The following ZFHX4 variants were observed in gnomAD, a reference collection of about 807,000 sequenced individuals.
ZFHX4 encodes the protein zinc finger homeobox 4.
ZFHX4 carries 56 observed loss-of-function variants against 267.6 expected under a neutral mutation model. The ratio of observed to expected loss-of-function variants is 0.21; its 90% confidence interval spans 0.17 to 0.26. ZFHX4 has a LOEUF of 0.26. Among genes scored for constraint, ZFHX4 ranks in the 10% least tolerant of loss-of-function variants. ZFHX4 has a pLI of 1.00. For synonymous variants in ZFHX4, 1,778 were observed against 1,665.6 expected, an observed-to-expected ratio of 1.07 and a Z score of -1.64; for missense variants, 4,332 against 4,420.0, an observed-to-expected ratio of 0.98 and a Z score of 0.56.
At position 76,813,936 on chromosome 8, in the gene ZFHX4, C is replaced by G. The variant is rs188289715; in HGVS notation, c.3326-19402C>G. ...TTTATATTACAGAAAAAAATGCAAT[C>G]TTTTTTTTTCTTTAAAAGAGGAGTA... On this transcript the variant is annotated intron_variant, in intron 4 of 10. Transcript: ENST00000651372. Among the ~76,000 whole-genome samples, 32 of 151,414 alleles carry G rather than the reference C, an allele frequency of 2.1e-4. No individual in the cohort carries two copies. The East Asian group carries it at 5.4e-3, about 26-fold the overall frequency.
rs1419673844 is a variant in ZFHX4, at chr8:76,757,082, T to C, written c.3094-21126T>C. 2.0e-5 allele frequency among the ~76,000 whole-genome samples: 3 copies of C among 149,876 alleles called. No homozygotes were observed. The Admixed American group carries it at 2.0e-4, about 10-fold the overall frequency. On this transcript the variant is annotated intron_variant, in intron 3 of 10. Transcript: ENST00000651372. ...AATTTGAATAGTTGTCAAGCAGGGG[T>C]TTCCAGGCAGTAATTTCTCTCTCCT...
At chr8:76,765,949 ATCT>A (rs1810040461) in intron 3 of ZFHX4, among the ~76,000 whole-genome samples, 1 of 152,130 alleles carries the variant, frequency 6.6e-6, no homozygotes, top group South Asian at 2.1e-4. Flanking sequence ...CCATGCTTTC[ATCT>A]TCATCACAGG....
At chr8:76,859,528 A>T (rs1010286298) in intron 10 of ZFHX4, among the ~76,000 whole-genome samples, 1 of 152,098 alleles carries the variant, frequency 6.6e-6, no homozygotes, top group Admixed American at 6.6e-5. Context: ...CAAAGTGAAT[A>T]AAAAAATTAT....
rs765271242 is a variant in ZFHX4, at chr8:76,706,606, G to A, written c.2518G>A (p.Ala840Thr). The A allele has an allele frequency of 4.4e-6, 7 of 1,608,744 alleles. No homozygotes were observed. The Admixed American group carries it at 1.0e-4, about 23-fold the overall frequency. Residue 840 changes from alanine to threonine, a missense_variant, in exon 2 of 11, where the codon GCC becomes ACC. Ala to Thr is a moderately conservative substitution (Grantham distance 58). Around this residue, in one of 7 missense-constraint regions of ZFHX4, gnomAD observed 1,195 missense variants for 1,173.6 expected, o/e 1.02. Coordinates refer to ENST00000651372, the MANE Select transcript of ZFHX4 (RefSeq NM_024721.5). Reference protein sequence around the residue: ...GLTGMKLENPADPQLMINPFQ... With the variant: ...GLTGMKLENPTDPQLMINPFQ... ...GACCGGAATGAAGCTGGAAAACCCT[G>A]CCGACCCTCAGCTGATGATCAATCC...
At position 76,849,055 on chromosome 8, in the gene ZFHX4, T is replaced by C; in HGVS notation, c.3572T>C (p.Leu1191Pro). 6.4e-7 allele frequency: 1 copy of C among 1,568,124 alleles called. No individual in the cohort carries two copies. The highest frequency in any genetic ancestry group is 8.7e-7 in the Non-Finnish European group (1 of 1,155,984). The change falls in exon 7 of 11, where the codon CTG (leucine) becomes CCG (proline). Residue 1191 changes from leucine (L) to proline (P), a missense_variant. Leu to Pro is a moderately conservative substitution (Grantham distance 98). This residue lies in a region of ZFHX4 where 1,371 missense variants were observed against 1,423.1 expected (regional missense o/e 0.96). Coordinates refer to ENST00000651372, the MANE Select transcript of ZFHX4 (RefSeq NM_024721.5). ...VSVAGGTQPLLLAKEEDVATK... is the reference protein window; with the variant it reads ...VSVAGGTQPLPLAKEEDVATK... The stretch of plus-strand genomic sequence containing the variant: ...GTGGCAGGGGGTACCCAGCCACTCC[T>C]GCTGGCAAAAGAAGAGGATGTTGCA...
intron 4 of ZFHX4, among the ~76,000 whole-genome samples, chr8:76,826,754 A>T (rs1311265566): frequency 6.6e-6 from 1 of 152,252 alleles, no homozygotes; most frequent in African/African-American, 2.4e-5. Context: ...GTTAAGTAAT[A>T]GGAGTAAGTT....
chr8:76,782,906 A>G (rs1488344965), intron 4 of ZFHX4, among the ~76,000 whole-genome samples: 2 of 152,022 alleles, frequency 1.3e-5, no homozygotes, highest in Non-Finnish European at 2.9e-5. Flanking sequence ...CTCTCGTGCT[A>G]TAAACATTTC....
chr8:76,774,764 T>C (rs2131761402), intron 3 of ZFHX4, among the ~76,000 whole-genome samples: 1 of 152,284 alleles, frequency 6.6e-6, no homozygotes, highest in Admixed American at 6.5e-5. Context: ...ATTTTAGAAA[T>C]TTGAAAAATT....
In ZFHX4 at chr8:76,865,189, A is replaced by G. The variant is rs1421894791; in HGVS notation, c.*624A>G. ...CAGTTTTACCGCAGAGGGAATCTGG[A>G]ACAGTGGAATCATGTGTCTGCCCTG... On this transcript the variant is annotated 3_prime_UTR_variant, in exon 11 of 11. Transcript: ENST00000651372. 1 of 152,668 alleles carries G rather than the reference A, an allele frequency of 6.6e-6. No individual in the cohort carries two copies. Among genetic ancestry groups the G allele is most frequent in the Non-Finnish European group, 1.5e-5 (1 of 68,084 alleles). 9.5% of individuals were successfully genotyped at this position (152,668 alleles called of 1,614,324 possible). A position where few individuals can be genotyped will look rare whatever the true frequency, so the allele number is the denominator to read the frequency against.
chr8:76,778,574 C>T, intron 4 of ZFHX4, 135 bp downstream of exon 4: 3 of 708,588 alleles, frequency 4.2e-6, no homozygotes, highest in East Asian at 5.3e-5. Flanking sequence ...AACACGGCAG[C>T]TCTTAATCTC....
At chr8:76,711,989 C>A (rs1180256204) in intron 3 of ZFHX4, among the ~76,000 whole-genome samples, 1 of 152,172 alleles carries the variant, frequency 6.6e-6, no homozygotes. Flanking sequence ...GTGAGGTGTT[C>A]ACAGCTTTGC....
intron 3 of ZFHX4, among the ~76,000 whole-genome samples, chr8:76,753,332 C>T (rs575652823): frequency 6.6e-6 from 1 of 152,260 alleles, no homozygotes; most frequent in Non-Finnish European, 1.5e-5. Context: ...TTCAGTAGTG[C>T]TACAGGGCAT....
intron 4 of ZFHX4, among the ~76,000 whole-genome samples, chr8:76,820,279 G>A (rs1000067234): frequency 4.0e-5 from 6 of 151,862 alleles, no homozygotes; most frequent in Admixed American, 2.6e-4. Context: ...TCAGATTACC[G>A]TATATTTTGC....
In ZFHX4 at chr8:76,863,094, C is replaced by A; in HGVS notation, c.9380C>A (p.Thr3127Asn). 6.6e-7 allele frequency: 1 copy of A among 1,506,882 alleles called. No homozygotes were observed. The highest frequency in any genetic ancestry group is 8.9e-7 in the Non-Finnish European group (1 of 1,127,032). The allele number at this position is 1,506,882 out of a possible 1,614,324, so 93.3% of individuals were successfully genotyped here. A position where few individuals can be genotyped will look rare whatever the true frequency, so the allele number is the denominator to read the frequency against. Residue 3127 changes from threonine (T) to asparagine (N), a missense_variant and splice_region_variant, in exon 11 of 11, where the codon ACT (threonine) becomes AAT (asparagine). Physicochemically the swap from Thr to Asn is moderately conservative, Grantham distance 65. Transcript: ENST00000651372. ...GCCATCTCTCTGTTGTTGTTTTCAGCTTTAACACCTCCCGGTGCAGGCATG... is the reference window on the plus strand; with the variant it reads ...GCCATCTCTCTGTTGTTGTTTTCAGATTTAACACCTCCCGGTGCAGGCATG... ...SLPGFPQNSN[T>N]LTPPGAGMLG...
intron 2 of ZFHX4, 24 bp from the exon 3 acceptor site, chr8:76,707,521 TC>T (rs759608389): frequency 1.3e-6 from 2 of 1,485,444 alleles, no homozygotes; most frequent in Non-Finnish European, 1.8e-6. Flanking sequence ...TCTCTATTTT[TC>T]CTTTTAATTT....
In ZFHX4 at chr8:76,855,954, C is replaced by T. The variant is rs1460438408; in HGVS notation, c.9033C>T (p.Leu3011=). The stretch of plus-strand genomic sequence containing the variant: ...AAGGCACCAAACCAGAGTGTACCCT[C>T]TGCGGGGTGAAGTACTCTGCCCGCT... ...GTEGTKPECT[L]CGVKYSARLS... The change falls in exon 10 of 11, where the codon CTC becomes CTT. Residue 3011 remains leucine, a synonymous_variant. Coordinates refer to ENST00000651372, the MANE Select transcript of ZFHX4 (RefSeq NM_024721.5). 1 of 1,613,828 alleles carries T rather than the reference C, an allele frequency of 6.2e-7. No individual in the cohort carries two copies.
chr8:76,805,240 T>G lies in ZFHX4; in HGVS notation c.3325+26801T>G, dbSNP rs1484759358. On this transcript the variant is annotated intron_variant, in intron 4 of 10. Coordinates refer to ENST00000651372, the MANE Select transcript of ZFHX4 (RefSeq NM_024721.5). ...ATTTTGTACAGTTAATCAAATGGCA[T>G]ATGGCGCATAACCAAATTTGTTTCC... 2.6e-5 allele frequency among the ~76,000 whole-genome samples: 4 copies of G among 152,230 alleles called. No individual in the cohort carries two copies. In the South Asian group the frequency reaches 8.3e-4, roughly 32 times the overall value.
At chr8:76,771,564 G>T (rs985915962) in intron 3 of ZFHX4, among the ~76,000 whole-genome samples, 1 of 151,912 alleles carries the variant, frequency 6.6e-6, no homozygotes, top group African/African-American at 2.4e-5. Context: ...TCAGACTCCC[G>T]AGTAGTTGGG....
chr8:76,710,841 G>A (rs895975852), intron 3 of ZFHX4, among the ~76,000 whole-genome samples: 8 of 152,112 alleles, frequency 5.3e-5, no homozygotes, highest in Admixed American at 5.2e-4. Flanking sequence ...GAGGTTAAAA[G>A]TTAAAGGTTA....
Sources: allele counts gnomAD v4.1 joint callset (sites outside exome capture counted in the v4.1 genomes callset), GRCh38; gene constraint gnomAD v4.1.1; regional missense constraint gnomAD v4.1.1; transcripts MANE v1.5; gene names NCBI Gene and HGNC (gene_info 2026-07-23, HGNC 2026-07-21).